The following SLC4A4 variants were observed in gnomAD, a reference collection of about 807,000 sequenced individuals.
SLC4A4 encodes the protein solute carrier family 4 member 4.
A neutral mutation model predicts 111.5 loss-of-function variants in SLC4A4; 27 were observed. The ratio of observed to expected loss-of-function variants is 0.24; its 90% CI spans 0.18 to 0.33. SLC4A4 has a LOEUF of 0.33. Ranked by LOEUF, SLC4A4 falls within the 10% of genes least tolerant of loss-of-function variation. SLC4A4 has a pLI of 1.00. For synonymous variants in SLC4A4, 443 were observed against 463.4 expected (o/e 0.96, Z 0.57); for missense variants, 909 against 1,315.5 (o/e 0.69, Z 4.78).
At chr4:71,494,186 C>T (rs1475418901) in intron 15 of SLC4A4, among the ~76,000 whole-genome samples, 1 of 152,004 alleles carries the variant, frequency 6.6e-6, no homozygotes, top group East Asian at 1.9e-4. Context: ...AAACTTACAA[C>T]AGTGAACATT....
At chr4:71,123,450 G>GA (rs1235235510) in intron 2 of SLC4A4, among the ~76,000 whole-genome samples, 1 of 151,830 alleles carries the variant, frequency 6.6e-6, no homozygotes, top group African/African-American at 2.4e-5. Flanking sequence ...CCCAAAATTT[G>GA]AAAAAAATGA....
At chr4:71,124,209 T>C (rs1743505035) in intron 2 of SLC4A4, among the ~76,000 whole-genome samples, 1 of 146,278 alleles carries the variant, frequency 6.8e-6, no homozygotes, top group Non-Finnish European at 1.5e-5. Flanking sequence ...AGTCTTGCCC[T>C]GTCGCCAGGC....
chr4:71,511,655 C>G (rs1056579623), intron 16 of SLC4A4, among the ~76,000 whole-genome samples: 3 of 151,832 alleles, frequency 2.0e-5, no homozygotes, highest in Admixed American at 6.6e-5. Flanking sequence ...TATCTATCAC[C>G]CATTTTCAAT....
intron 1 of SLC4A4, among the ~76,000 whole-genome samples, chr4:71,219,821 A>T (rs1001731961): frequency 6.6e-6 from 1 of 152,186 alleles, no homozygotes; most frequent in Non-Finnish European, 1.5e-5. Flanking sequence ...GTAACTGCAG[A>T]AGTGATGGAC....
intron 3 of SLC4A4, among the ~76,000 whole-genome samples, chr4:71,274,947 A>T (rs1489353525): frequency 6.6e-6 from 1 of 152,184 alleles, no homozygotes; most frequent in Non-Finnish European, 1.5e-5. Context: ...AATAAAACAA[A>T]AACTCAAAAG....
chr4:71,282,274 A>G (rs1723579553), intron 3 of SLC4A4, among the ~76,000 whole-genome samples: 1 of 151,802 alleles, frequency 6.6e-6, no homozygotes, highest in African/African-American at 2.4e-5. Context: ...CTGAGTTAGG[A>G]AAAAGGGCAT....
At chr4:71,564,997 T>A (rs1377053957) in intron 24 of SLC4A4, among the ~76,000 whole-genome samples, 1 of 151,426 alleles carries the variant, frequency 6.6e-6, no homozygotes, top group African/African-American at 2.4e-5. Context: ...TGGGGCTGAG[T>A]CTCTGAAGAC....
chr4:71,524,022 T>C lies in SLC4A4; in HGVS notation c.2167-8040T>C, dbSNP rs185897071. On this transcript the variant is annotated intron_variant, in intron 16 of 25. Transcript: ENST00000264485. ...CAGGCATTCTTGATAGAAACACAAA[T>C]CTACCTTTCCGTAGCCTCTGTCCAC... 4.6e-5 allele frequency among the ~76,000 whole-genome samples: 7 copies of C among 152,200 alleles called. No individual in the cohort carries two copies. The East Asian group carries it at 1.4e-3, about 29-fold the overall frequency.
intron 1 of SLC4A4, among the ~76,000 whole-genome samples, chr4:71,225,469 A>G (rs1204313947): frequency 6.6e-6 from 1 of 152,158 alleles, no homozygotes; most frequent in Non-Finnish European, 1.5e-5. Flanking sequence ...ATAAAATAAG[A>G]TGGCATCCAG....
intron 6 of SLC4A4, among the ~76,000 whole-genome samples, chr4:71,392,754 C>T (rs1373631339): frequency 3.3e-5 from 5 of 151,712 alleles, no homozygotes; most frequent in Admixed American, 3.3e-4. Context: ...ACATAGATGC[C>T]AAAATCCTTA....
intron 3 of SLC4A4, among the ~76,000 whole-genome samples, chr4:71,305,714 A>G (rs1725626629): frequency 6.6e-6 from 1 of 152,224 alleles, no homozygotes; most frequent in Non-Finnish European, 1.5e-5. Flanking sequence ...ATCTACAGAG[A>G]GACAGCAGTG....
At chr4:71,181,220 TGGGGGGA>T (rs1283130132) in intron 2 of SLC4A4, among the ~76,000 whole-genome samples, 1 of 64,240 alleles carries the variant, frequency 1.6e-5, no homozygotes, top group Non-Finnish European at 2.8e-5. Context: ...TGTTGTGGGG[TGGGGGGA>T]GGGGGGAGGG....
At chr4:71,423,912 A>G (rs1487086017) in intron 7 of SLC4A4, among the ~76,000 whole-genome samples, 1 of 152,210 alleles carries the variant, frequency 6.6e-6, no homozygotes, top group Non-Finnish European at 1.5e-5. Context: ...AGGCATTACC[A>G]TTCAGGACAT....
intron 6 of SLC4A4, among the ~76,000 whole-genome samples, chr4:71,389,875 TAA>T (rs1366349339): frequency 7.9e-5 from 12 of 151,954 alleles, no homozygotes; most frequent in Non-Finnish European, 1.6e-4. Flanking sequence ...TTATATAAAA[TAA>T]AAACAAACTT....
intron 12 of SLC4A4, among the ~76,000 whole-genome samples, chr4:71,458,831 A>C (rs1241094303): frequency 6.6e-6 from 1 of 152,070 alleles, no homozygotes; most frequent in Admixed American, 6.6e-5. Flanking sequence ...TTGTACAAGA[A>C]TTTCAATTTA....
At chr4:71,539,971 G>A (rs945179517) in intron 18 of SLC4A4, among the ~76,000 whole-genome samples, 17 of 152,274 alleles carry the variant, frequency 1.1e-4, no homozygotes, top group Non-Finnish European at 1.9e-4. Flanking sequence ...TCAAAGCCCT[G>A]TTTAGATGTC....
At chr4:71,105,367 A>G (rs1019184695) in intron 2 of SLC4A4, among the ~76,000 whole-genome samples, 2 of 149,678 alleles carry the variant, frequency 1.3e-5, no homozygotes, top group Non-Finnish European at 3.0e-5. Context: ...TATAGATTCA[A>G]TGCCATCCCC....
At chr4:71,426,141 T>A (rs1290077876) in intron 7 of SLC4A4, among the ~76,000 whole-genome samples, 1 of 152,068 alleles carries the variant, frequency 6.6e-6, no homozygotes, top group Non-Finnish European at 1.5e-5. Context: ...AAAACTCTTT[T>A]ATTGCTACAA....
intron 16 of SLC4A4, among the ~76,000 whole-genome samples, chr4:71,502,272 A>G (rs1232491637): frequency 6.6e-6 from 1 of 152,154 alleles, no homozygotes; most frequent in Non-Finnish European, 1.5e-5. Context: ...GATTTTGTTT[A>G]TCTTTAAAGA....
Sources: gnomAD v4.1 joint callset for allele counts (sites outside exome capture counted in the v4.1 genomes callset) on GRCh38, gnomAD v4.1.1 for gene constraint, MANE v1.5 for transcripts, NCBI Gene and HGNC (gene_info 2026-07-23, HGNC 2026-07-21) for gene names.